Variants in TIAM1 observed in about 807,000 individuals in gnomAD.
TIAM1 encodes rho guanine nucleotide exchange factor TIAM1.
TIAM1 carries 65 observed loss-of-function variants against 163.5 expected under a neutral mutation model. The observed-to-expected ratio is 0.40, with a 90% CI of 0.33 to 0.49. TIAM1 has a LOEUF of 0.49. Among genes scored for constraint, TIAM1 ranks in the 20% least tolerant of loss-of-function variants. The probability of loss-of-function intolerance (pLI) is 0.77; values close to 1 mark genes in which losing one functional copy is unlikely to be tolerated. For synonymous variants in TIAM1, 833 were observed against 810.1 expected, an observed-to-expected ratio of 1.03 and a Z score of -0.48; for missense variants, 1,789 against 2,044.7, an observed-to-expected ratio of 0.87 and a Z score of 2.41.
intron 2 of TIAM1, among the ~76,000 whole-genome samples, chr21:31,414,069 T>G (rs985012026): frequency 5.3e-5 from 8 of 152,194 alleles, no homozygotes; most frequent in Admixed American, 2.6e-4. Context: ...CTGTACTTCA[T>G]TCCCTACCGC....
chr21:31,249,949 G>A (rs777279414), intron 5 of TIAM1, among the ~76,000 whole-genome samples: 4 of 151,932 alleles, frequency 2.6e-5, no homozygotes, highest in South Asian at 2.1e-4. Flanking sequence ...AGTTGGAGAT[G>A]AGCCTGGGCA....
chr21:31,485,030 G>T (rs992964661), intron 1 of TIAM1, among the ~76,000 whole-genome samples: 1 of 152,194 alleles, frequency 6.6e-6, no homozygotes, highest in Non-Finnish European at 1.5e-5. Flanking sequence ...CCAGTGCCTT[G>T]ATCTTGGACT....
intron 2 of TIAM1, among the ~76,000 whole-genome samples, chr21:31,360,294 C>A (rs1453755861): frequency 2.6e-5 from 4 of 151,382 alleles, no homozygotes; most frequent in Non-Finnish European, 1.5e-5. Flanking sequence ...TAATAATTAA[C>A]AATAATGTCT....
At position 31,485,941 on chromosome 21, in the gene TIAM1, C is replaced by T. The variant is rs116266416; in HGVS notation, c.-421-21906G>A. On this transcript the variant is annotated intron_variant, in intron 1 of 28. Transcript: ENST00000286827. ...TCCAGAACCTTTCCTCTTAGCTCTA[C>T]GCCCTGCCTAACCACATGTTCGCAG... Among the ~76,000 whole-genome samples the T allele has an allele frequency of 4.5e-3, 683 of 152,314 alleles. 3 individuals are homozygous for T. Among genetic ancestry groups the T allele is most frequent in the African/African-American group, 0.016 (655 of 41,568 alleles).
intron 1 of TIAM1, among the ~76,000 whole-genome samples, chr21:31,476,897 T>G (rs544217150): frequency 6.6e-6 from 1 of 152,204 alleles, no homozygotes; most frequent in Admixed American, 6.5e-5. Context: ...GCAACCCTTC[T>G]GGGCTGGAAC....
chr21:31,401,796 A>C (rs2077168551), intron 2 of TIAM1, among the ~76,000 whole-genome samples: 2 of 152,112 alleles, frequency 1.3e-5, no homozygotes, highest in South Asian at 4.2e-4. Context: ...CTGGAACCCT[A>C]GCTACTCAGG....
At chr21:31,548,490 GTT>G (rs760538797) in intron 1 of TIAM1, among the ~76,000 whole-genome samples, 14 of 128,698 alleles carry the variant, frequency 1.1e-4, no homozygotes, top group African/African-American at 3.0e-4. Context: ...TTTTGTTGTT[GTT>G]TTTTTTTTTT....
At chr21:31,258,504 T>C (rs2072252959) in intron 4 of TIAM1, among the ~76,000 whole-genome samples, 1 of 152,200 alleles carries the variant, frequency 6.6e-6, no homozygotes, top group African/African-American at 2.4e-5. Flanking sequence ...TAAATTTTTG[T>C]TCTTTAACTC....
chr21:31,216,157 G>A (rs866720765), intron 9 of TIAM1, among the ~76,000 whole-genome samples: 1 of 152,122 alleles, frequency 6.6e-6, no homozygotes. Context: ...GTGACAGAGC[G>A]AGACTCCATC....
chr21:31,213,630 G>A (rs1253884014), intron 9 of TIAM1, among the ~76,000 whole-genome samples, 158 bp from the exon 10 acceptor site: 1 of 152,018 alleles, frequency 6.6e-6, no homozygotes, highest in Non-Finnish European at 1.5e-5. Context: ...TAATTTATGG[G>A]AGCAGACCTG....
intron 2 of TIAM1, among the ~76,000 whole-genome samples, chr21:31,323,238 A>G (rs888074221): frequency 6.0e-5 from 9 of 151,192 alleles, no homozygotes; most frequent in South Asian, 2.1e-4. Flanking sequence ...CAGTGAGCCA[A>G]GATCACGCCA....
chr21:31,537,367 T>C (rs2048170804), intron 1 of TIAM1, among the ~76,000 whole-genome samples: 1 of 151,676 alleles, frequency 6.6e-6, no homozygotes, highest in South Asian at 2.1e-4. Flanking sequence ...AAAGAAGATG[T>C]GCTATCTTTT....
intron 12 of TIAM1, among the ~76,000 whole-genome samples, chr21:31,198,160 G>A (rs2085981670): frequency 6.6e-6 from 1 of 152,150 alleles, no homozygotes; most frequent in Non-Finnish European, 1.5e-5. Flanking sequence ...ATCTAAACTT[G>A]CCCGTATCCC....
rs866440159 is a variant in TIAM1, at chr21:31,152,049, T to A, written c.3366+587A>T. Among the ~76,000 whole-genome samples the A allele has an allele frequency of 4.9e-3, 56 of 11,406 alleles. 1 individual carries two copies. Among genetic ancestry groups the A allele is most frequent in the African/African-American group, 0.03 (52 of 1,726 alleles). The allele number at this position is 11,406 out of a possible 152,430, so 7.5% of individuals were successfully genotyped here. ...TTTTTTTTTTTTTTTTTTTTTTTTG[T>A]AAGACGGAGCCTCGTTCTTGTCCCC... On this transcript the variant is annotated intron_variant, in intron 19 of 27. Coordinates refer to ENST00000541036, the MANE Select transcript of TIAM1 (RefSeq NM_001353694.2).
chr21:31,454,153 T>C (rs913422510), intron 2 of TIAM1, among the ~76,000 whole-genome samples: 14 of 152,276 alleles, frequency 9.2e-5, no homozygotes, highest in Non-Finnish European at 1.8e-4. Context: ...TTGATTGTTT[T>C]TGTCTCCCCC....
chr21:31,490,879 C>T (rs1434391289), intron 1 of TIAM1, among the ~76,000 whole-genome samples: 1 of 152,242 alleles, frequency 6.6e-6, no homozygotes, highest in Non-Finnish European at 1.5e-5. Flanking sequence ...GTAATCCCAG[C>T]ACTTTGGGAG....
chr21:31,137,389 A>G (rs1416237638), intron 22 of TIAM1, among the ~76,000 whole-genome samples: 3 of 152,308 alleles, frequency 2.0e-5, no homozygotes, highest in East Asian at 3.9e-4. Context: ...TTAAGCAGCC[A>G]TATTATTTTG....
chr21:31,148,121 G>A (rs1240188967), intron 19 of TIAM1, among the ~76,000 whole-genome samples: 5 of 148,252 alleles, frequency 3.4e-5, no homozygotes, highest in African/African-American at 5.0e-5. Flanking sequence ...CAAGCCCTCC[G>A]CAAATCTCCA....
intron 26 of TIAM1, among the ~76,000 whole-genome samples, chr21:31,124,902 C>T (rs144301209): frequency 6.6e-6 from 1 of 152,050 alleles, no homozygotes; most frequent in Non-Finnish European, 1.5e-5. Context: ...TGATCTATCT[C>T]CTGGCGCTGA....
Sources: gnomAD v4.1 joint callset for allele counts (sites outside exome capture counted in the v4.1 genomes callset) on GRCh38, gnomAD v4.1.1 for gene constraint, MANE v1.5 for transcripts, NCBI Gene and HGNC (gene_info 2026-07-23, HGNC 2026-07-21) for gene names.